Variants in DCC observed in about 807,000 individuals in gnomAD.
The protein encoded by DCC is netrin receptor DCC.
Under a neutral mutation model 172.5 loss-of-function variants are expected in DCC, and 58 were observed. The observed-to-expected ratio is 0.34, with a 90% CI of 0.27 to 0.42. DCC has a LOEUF of 0.42. Ranked by LOEUF, DCC falls within the 10% of genes least tolerant of loss-of-function variation. The probability of loss-of-function intolerance (pLI) is 1.00; values close to 1 mark genes in which losing one functional copy is unlikely to be tolerated. For missense variants in DCC, 1,740 were observed against 1,791.0 expected (o/e 0.97, Z 0.51); for synonymous variants, 709 against 644.5 (o/e 1.10, Z -1.52).
At chr18:53,267,300 C>CCTCA (rs1464587369) in intron 12 of DCC, among the ~76,000 whole-genome samples, 1 of 152,022 alleles carries the variant, frequency 6.6e-6, no homozygotes, top group African/African-American at 2.4e-5. Context: ...AATTCTCCTG[C>CCTCA]CTCAGCCTCT....
chr18:52,868,954 C>G (rs190616207), intron 2 of DCC, among the ~76,000 whole-genome samples: 1,820 of 152,320 alleles, frequency 0.012, 15 homozygotes, highest in Middle Eastern at 0.027. Context: ...GGCAGTTTCC[C>G]CAGCTGGCAC....
intron 7 of DCC, among the ~76,000 whole-genome samples, chr18:53,085,107 A>C (rs909525179): frequency 1.5e-4 from 23 of 152,280 alleles, no homozygotes; most frequent in African/African-American, 5.1e-4. Context: ...CCTCCAGAAC[A>C]GAAGGAAACA....
intron 5 of DCC, among the ~76,000 whole-genome samples, chr18:52,947,455 G>C (rs1050177650): frequency 6.6e-5 from 10 of 152,144 alleles, no homozygotes; most frequent in Non-Finnish European, 1.3e-4. Context: ...AGTTGGACTT[G>C]AGGGGTAGTA....
chr18:52,869,194 A>G (rs2039278414), intron 2 of DCC, among the ~76,000 whole-genome samples: 1 of 152,256 alleles, frequency 6.6e-6, no homozygotes, highest in African/African-American at 2.4e-5. Context: ...TCGTCCCGCA[A>G]CCAGGAAGAA....
At chr18:52,449,956 A>G (rs909408781) in intron 1 of DCC, among the ~76,000 whole-genome samples, 5 of 152,158 alleles carry the variant, frequency 3.3e-5, no homozygotes, top group African/African-American at 9.7e-5. Flanking sequence ...TAAATTACCC[A>G]GTCTTGGGTA....
At chr18:52,634,323 T>C (rs1304914953) in intron 1 of DCC, among the ~76,000 whole-genome samples, 1 of 152,240 alleles carries the variant, frequency 6.6e-6, no homozygotes, top group African/African-American at 2.4e-5. Flanking sequence ...TAATGCATTA[T>C]GCATATTATT....
chr18:52,906,925 C>A (rs1040493842), intron 3 of DCC, among the ~76,000 whole-genome samples: 4 of 151,826 alleles, frequency 2.6e-5, no homozygotes, highest in African/African-American at 9.7e-5. Flanking sequence ...AGGCTCTGAG[C>A]ATACTGTAGT....
At chr18:52,418,388 C>T (rs1165031560) in intron 1 of DCC, among the ~76,000 whole-genome samples, 1 of 152,076 alleles carries the variant, frequency 6.6e-6, no homozygotes, top group African/African-American at 2.4e-5. Flanking sequence ...AGGTAGAGAT[C>T]ATTATACTAG....
intron 12 of DCC, among the ~76,000 whole-genome samples, chr18:53,271,670 G>C (rs983727675): frequency 1.3e-5 from 2 of 152,132 alleles, no homozygotes; most frequent in African/African-American, 2.4e-5. Flanking sequence ...ACTCAAGCCG[G>C]AAGCTATCTT....
intron 5 of DCC, among the ~76,000 whole-genome samples, chr18:53,059,239 G>A (rs2042459830): frequency 6.6e-6 from 1 of 152,032 alleles, no homozygotes; most frequent in Non-Finnish European, 1.5e-5. Flanking sequence ...TGAAGATTAT[G>A]GGAACTATAA....
At chr18:52,709,959 T>G (rs1370852019) in intron 1 of DCC, among the ~76,000 whole-genome samples, 1 of 152,222 alleles carries the variant, frequency 6.6e-6, no homozygotes, top group Non-Finnish European at 1.5e-5. Context: ...TTTGTTGTCC[T>G]GAGAATGTGG....
chr18:53,243,135 G>GAC (rs1211024398), intron 12 of DCC, among the ~76,000 whole-genome samples: 1 of 152,140 alleles, frequency 6.6e-6, no homozygotes, highest in African/African-American at 2.4e-5. Flanking sequence ...TCCTATTTTG[G>GAC]TTTATGTGGC....
intron 2 of DCC, among the ~76,000 whole-genome samples, chr18:52,768,704 A>ATG (rs2037293578): frequency 2.6e-5 from 4 of 151,874 alleles, no homozygotes; most frequent in Admixed American, 6.6e-5. Context: ...GTTTGTGTGC[A>ATG]TGTGTGTGTG....
intron 7 of DCC, among the ~76,000 whole-genome samples, chr18:53,092,450 T>A (rs1042644397): frequency 6.6e-6 from 1 of 152,238 alleles, no homozygotes; most frequent in Non-Finnish European, 1.5e-5. Flanking sequence ...ACATGGACTT[T>A]ATAAAGCAAG....
At chr18:53,441,103 C>A (rs1435611721) in intron 22 of DCC, among the ~76,000 whole-genome samples, 1 of 152,212 alleles carries the variant, frequency 6.6e-6, no homozygotes, top group Non-Finnish European at 1.5e-5. Context: ...TGCCAAATTT[C>A]CCCCTTGGCA....
chr18:53,408,092 C>T (rs1205216399), intron 19 of DCC, among the ~76,000 whole-genome samples: 1 of 152,158 alleles, frequency 6.6e-6, no homozygotes, highest in East Asian at 1.9e-4. Context: ...CAAAAATGTA[C>T]AGATCCCACA....
chr18:53,399,647 G>GT lies in DCC; in HGVS notation c.2827+2202dup, dbSNP rs1909183217. ...GGGCCGGGCGCGGTGGCTCACGCCT[G>GT]TAATCCCAGCACTTTGGGAGGCCGA... is the stretch of plus-strand genomic sequence containing the variant. On this transcript the variant is annotated intron_variant, in intron 18 of 28. Coordinates refer to ENST00000442544, the MANE Select transcript of DCC (RefSeq NM_005215.4). Among the ~76,000 whole-genome samples the GT allele has an allele frequency of 5.4e-3, 4 of 746 alleles. 2 individuals are homozygous for GT. The highest frequency in any genetic ancestry group is 5.4e-3 in the African/African-American group (4 of 744). The allele number at this position is 746 out of a possible 152,430, so 0.5% of individuals were successfully genotyped here. A position where few individuals can be genotyped will look rare whatever the true frequency, so the allele number is the denominator to read the frequency against.
At chr18:53,402,408 A>T (rs1395824728) in intron 18 of DCC, among the ~76,000 whole-genome samples, 1 of 149,550 alleles carries the variant, frequency 6.7e-6, no homozygotes, top group Non-Finnish European at 1.5e-5. Flanking sequence ...AAAAAAATAA[A>T]TAAATAAATA....
chr18:53,129,001 C>G (rs1308496787), intron 7 of DCC, among the ~76,000 whole-genome samples: 1 of 151,570 alleles, frequency 6.6e-6, no homozygotes, highest in Non-Finnish European at 1.5e-5. Flanking sequence ...ATTCTCCTGC[C>G]TCAGCTTCCT....
Sources: allele counts gnomAD v4.1 joint callset (sites outside exome capture counted in the v4.1 genomes callset), GRCh38; gene constraint gnomAD v4.1.1; transcripts MANE v1.5; gene names NCBI Gene and HGNC (gene_info 2026-07-23, HGNC 2026-07-21).